Variants in SLC44A5 observed in about 807,000 individuals in gnomAD.
The protein encoded by SLC44A5 is choline transporter-like protein 5.
Under a neutral mutation model 101.8 loss-of-function variants are expected in SLC44A5, and 57 were observed. The ratio of observed to expected loss-of-function variants is 0.56; its 90% CI spans 0.45 to 0.70. SLC44A5 has a LOEUF of 0.70. Among genes scored for constraint, SLC44A5 ranks in the 30% least tolerant of loss-of-function variants. The probability of loss-of-function intolerance (pLI) is 0.00; values close to 1 mark genes in which losing one functional copy is unlikely to be tolerated. For synonymous variants in SLC44A5, 281 were observed against 290.9 expected, an observed-to-expected ratio of 0.97 and a Z score of 0.35; for missense variants, 737 against 853.1, an observed-to-expected ratio of 0.86 and a Z score of 1.70.
chr1:75,364,264 G>A (rs1659702399), intron 3 of SLC44A5, among the ~76,000 whole-genome samples: 1 of 152,106 alleles, frequency 6.6e-6, no homozygotes, highest in African/African-American at 2.4e-5. Flanking sequence ...ATTATTGCAG[G>A]CTGTACAGGA....
chr1:75,216,961 A>G lies in SLC44A5; in HGVS notation c.1624+905T>C, dbSNP rs139363880. Reference sequence around the variant, plus strand: ...TGAATAAATGTTTTTAAATTTGATGAAGTTCAATTTATTTTTCTTTTGTTG... The same window carrying G: ...TGAATAAATGTTTTTAAATTTGATGGAGTTCAATTTATTTTTCTTTTGTTG... On this transcript the variant is annotated intron_variant, in intron 18 of 23. Coordinates refer to ENST00000370859, the MANE Select transcript of SLC44A5 (RefSeq NM_001130058.2). Among the ~76,000 whole-genome samples, 893 of 152,116 alleles carry G rather than the reference A, an allele frequency of 5.9e-3. 7 individuals carry two copies. The highest frequency in any genetic ancestry group is 0.015 in the Admixed American group (233 of 15,258).
intron 5 of SLC44A5, among the ~76,000 whole-genome samples, chr1:75,297,064 T>C (rs908603823): frequency 2.0e-5 from 3 of 152,150 alleles, no homozygotes; most frequent in Non-Finnish European, 2.9e-5. Flanking sequence ...TTGAGTTTCT[T>C]ACAGCATGGT....
At position 75,238,546 on chromosome 1, in the gene SLC44A5, G is replaced by A; in HGVS notation, c.623C>T (p.Thr208Ile). ...KMMFQDGNGG[T>I]RSVVELGIAA... ...AATCCCGAGTTCTACAACACTTCTTGTCCCTCCATTTCCATCTTGAAACAT... is the reference window on the plus strand; with the variant it reads ...AATCCCGAGTTCTACAACACTTCTTATCCCTCCATTTCCATCTTGAAACAT... Residue 208 changes from threonine to isoleucine, a missense_variant, in exon 10 of 24, where the codon ACA becomes ATA. Coordinates refer to ENST00000370859, the MANE Select transcript of SLC44A5 (RefSeq NM_001130058.2). 1 of 1,604,470 alleles carries A rather than the reference G, an allele frequency of 6.2e-7. No homozygotes were observed. The highest frequency in any genetic ancestry group is 8.5e-7 in the Non-Finnish European group (1 of 1,175,696).
the SLC44A5 span, among the ~76,000 whole-genome samples, chr1:75,703,228 C>T: frequency 6.6e-6 from 1 of 151,582 alleles, no homozygotes; most frequent in African/African-American, 2.4e-5. Flanking sequence ...TATTGTGGCA[C>T]TATTCACAAT....
intron 1 of SLC44A5, among the ~76,000 whole-genome samples, chr1:75,597,086 G>A (rs1674679886): frequency 6.6e-6 from 1 of 151,828 alleles, no homozygotes; most frequent in South Asian, 2.1e-4. Flanking sequence ...TACTTGGGAG[G>A]CTGAAGTGGG....
chr1:75,681,106 T>G, the SLC44A5 span, among the ~76,000 whole-genome samples: 2 of 151,826 alleles, frequency 1.3e-5, no homozygotes, highest in Admixed American at 1.3e-4. Context: ...GATCTGAAAT[T>G]GTGGAAATAA....
intron 9 of SLC44A5, among the ~76,000 whole-genome samples, chr1:75,241,202 A>C (rs1648598386): frequency 1.3e-5 from 2 of 151,872 alleles, no homozygotes; most frequent in Admixed American, 1.3e-4. Context: ...AAGAAAACTC[A>C]GTGATTATTT....
upstream of SLC44A5, among the ~76,000 whole-genome samples, chr1:75,615,230 G>T (rs1281985183): frequency 3.9e-5 from 6 of 152,006 alleles, no homozygotes; most frequent in Non-Finnish European, 7.4e-5. Context: ...TAGCCTGCAG[G>T]GACTCGGCCG....
At chr1:75,265,482 C>G (rs185510131) in intron 6 of SLC44A5, among the ~76,000 whole-genome samples, 10 of 152,182 alleles carry the variant, frequency 6.6e-5, no homozygotes, top group Admixed American at 2.0e-4. Context: ...AGAAGGAATA[C>G]ATTTTAATGT....
chr1:75,669,336 T>C, the SLC44A5 span, among the ~76,000 whole-genome samples: 4 of 152,136 alleles, frequency 2.6e-5, no homozygotes, highest in Non-Finnish European at 5.9e-5. Context: ...CTGTACTGAT[T>C]CCCTGCTTAT....
chr1:75,678,715 C>T, the SLC44A5 span, among the ~76,000 whole-genome samples: 1 of 151,762 alleles, frequency 6.6e-6, no homozygotes, highest in Non-Finnish European at 1.5e-5. Flanking sequence ...CTCTCCTCCT[C>T]CAAAGGAACG....
chr1:75,345,437 C>A (rs1658181410), intron 3 of SLC44A5, among the ~76,000 whole-genome samples: 1 of 152,012 alleles, frequency 6.6e-6, no homozygotes, highest in African/African-American at 2.4e-5. Flanking sequence ...AGTTGGGAAA[C>A]AATTTCTACC....
intron 2 of SLC44A5, among the ~76,000 whole-genome samples, chr1:75,428,108 CT>C (rs1401762518): frequency 7.2e-5 from 11 of 152,192 alleles, no homozygotes; most frequent in Admixed American, 6.5e-4. Context: ...AGCAGAGTTC[CT>C]TTGCTGCCCT....
At chr1:75,684,212 C>G in the SLC44A5 span, among the ~76,000 whole-genome samples, 1 of 152,168 alleles carries the variant, frequency 6.6e-6, no homozygotes. Flanking sequence ...ATTCAATTAT[C>G]TCCACCTGGC....
At chr1:75,413,443 G>T (rs1008458370) in intron 2 of SLC44A5, among the ~76,000 whole-genome samples, 1 of 152,004 alleles carries the variant, frequency 6.6e-6, no homozygotes, top group Non-Finnish European at 1.5e-5. Flanking sequence ...ACTTTTGCTA[G>T]TATCCTTGTT....
At chr1:75,572,363 T>G (rs931639502) in intron 1 of SLC44A5, among the ~76,000 whole-genome samples, 2 of 152,174 alleles carry the variant, frequency 1.3e-5, no homozygotes, top group African/African-American at 2.4e-5. Flanking sequence ...TGATAAACTC[T>G]ATTAGTGAAG....
Position 75,455,689 on chromosome 1 carries a change from T to C in SLC44A5, c.14-59068A>G, listed in dbSNP as rs149148664. ...AAAAACAAATAACCCCATTGAAAAG[T>C]AGGCAAAAGACATGAACAAACACTT... On this transcript the variant is annotated intron_variant, in intron 2 of 23. Transcript: ENST00000370859. Among the ~76,000 whole-genome samples, 15 of 152,186 alleles carry C rather than the reference T, an allele frequency of 9.9e-5. No individual in the cohort carries two copies. The East Asian group carries it at 2.1e-3, about 22-fold the overall frequency.
chr1:75,318,397 AAGAAAGAAAGAAAGAAAGAAAG>A (rs1276199160), intron 4 of SLC44A5, among the ~76,000 whole-genome samples: 1 of 149,102 alleles, frequency 6.7e-6, no homozygotes, highest in African/African-American at 2.5e-5. Flanking sequence ...GAAAGAAAGA[AAGAAAGAAAGAAAGAAAGAAAG>A]AAAGAAAGAA....
chr1:75,713,292 C>T, the SLC44A5 span, among the ~76,000 whole-genome samples: 1 of 152,246 alleles, frequency 6.6e-6, no homozygotes, highest in East Asian at 1.9e-4. Flanking sequence ...TTTCCTATTT[C>T]ATTGAGAAAT....
Sources: gnomAD v4.1 joint callset for allele counts (sites outside exome capture counted in the v4.1 genomes callset) on GRCh38, gnomAD v4.1.1 for gene constraint, MANE v1.5 for transcripts, NCBI Gene and HGNC (gene_info 2026-07-23, HGNC 2026-07-21) for gene names.